GLIS1: variants seen among roughly 807,000 people sequenced by gnomAD.
GLIS1 encodes the protein GLIS family zinc finger 1.
Under a neutral mutation model 63.8 loss-of-function variants are expected in GLIS1, and 24 were observed. That is an observed-to-expected ratio of 0.38 (90% CI 0.27 to 0.53). The LOEUF (loss-of-function observed/expected upper bound fraction) is 0.53. Ranked by LOEUF, GLIS1 falls within the 20% of genes least tolerant of loss-of-function variation. The pLI, the probability that GLIS1 is intolerant of heterozygous loss-of-function variation, is 0.85. For synonymous variants in GLIS1, 450 were observed against 482.5 expected, an observed-to-expected ratio of 0.93 and a Z score of 0.88; for missense variants, 1,036 against 1,074.1, an observed-to-expected ratio of 0.96 and a Z score of 0.50.
rs922814692 is a variant in GLIS1, at chr1:53,679,210, G to A, written c.259+58596C>T. On this transcript the variant is annotated intron_variant, in intron 2 of 10. Coordinates refer to ENST00000628545, the MANE Select transcript of GLIS1 (RefSeq NM_001367484.1). ...GAAGGGGCCCACTACGAGGGGGAAC[G>A]GGCAGGAGAGAGGGAGGTGGCAGCC... Among the ~76,000 whole-genome samples the A allele has an allele frequency of 5.9e-5, 9 of 152,328 alleles. No homozygotes were observed. In the South Asian group the frequency reaches 6.2e-4, roughly 11 times the overall value.
At chr1:53,660,986 A>T (rs1646022155) in intron 2 of GLIS1, among the ~76,000 whole-genome samples, 1 of 152,172 alleles carries the variant, frequency 6.6e-6, no homozygotes, top group Non-Finnish European at 1.5e-5. Flanking sequence ...CCATGTTGGA[A>T]TCATCCACCA....
At chr1:53,716,043 G>A (rs971071785) in intron 2 of GLIS1, among the ~76,000 whole-genome samples, 4 of 152,162 alleles carry the variant, frequency 2.6e-5, no homozygotes, top group Admixed American at 6.5e-5. Context: ...CACAGTCTTC[G>A]AGGAAGAGGG....
intron 4 of GLIS1, among the ~76,000 whole-genome samples, chr1:53,590,372 G>A (rs1315681656): frequency 6.6e-6 from 1 of 152,122 alleles, no homozygotes; most frequent in East Asian, 1.9e-4. Flanking sequence ...CGTGCTCACA[G>A]CTTTGGTAAA....
At chr1:53,645,640 T>C (rs1383397673) in intron 2 of GLIS1, among the ~76,000 whole-genome samples, 1 of 152,206 alleles carries the variant, frequency 6.6e-6, no homozygotes, top group Admixed American at 6.5e-5. Flanking sequence ...CAGGCCAACA[T>C]GGGAAGAAGG....
chr1:53,736,982 A>G (rs1477534082), intron 2 of GLIS1, among the ~76,000 whole-genome samples: 6 of 17,100 alleles, frequency 3.5e-4, no homozygotes, highest in South Asian at 7.4e-3. Context: ...CCCCTAAGGG[A>G]AAAAAAAAGG....
At position 53,543,605 on chromosome 1, in the gene GLIS1, A is replaced by G. The variant is rs1019359537; in HGVS notation, c.1321-13653T>C. Among the ~76,000 whole-genome samples, 7 of 152,334 alleles carry G rather than the reference A, an allele frequency of 4.6e-5. No individual in the cohort carries two copies. The East Asian group carries it at 1.2e-3, about 25-fold the overall frequency. ...ACTAGCCCAAGGGGAAGAAATGACT[A>G]CAAACAAAGGACTAAATGTTTCCAT... On this transcript the variant is annotated intron_variant, in intron 4 of 10. Transcript: ENST00000628545.
intron 7 of GLIS1, among the ~76,000 whole-genome samples, chr1:53,515,663 C>G (rs923720653): frequency 1.2e-4 from 18 of 151,966 alleles, no homozygotes; most frequent in African/African-American, 4.3e-4. Context: ...GCTCCAGGGA[C>G]CCAACTAGGG....
chr1:53,694,548 G>A (rs561426635), intron 2 of GLIS1, among the ~76,000 whole-genome samples: 1 of 152,142 alleles, frequency 6.6e-6, no homozygotes, highest in East Asian at 1.9e-4. Flanking sequence ...CATGCAGAGG[G>A]GGCCCTGCTG....
At position 53,520,769 on chromosome 1, in the gene GLIS1, G is replaced by A; in HGVS notation, c.1594-3C>T. ...TCGGTGTCAGGGCCCGCATGCAGCT[G>A]GGGAGCAAGCAGAGGGAAAGGAGGT... On this transcript the variant is annotated splice_region_variant and splice_polypyrimidine_tract_variant and intron_variant, in intron 6 of 10. Coordinates refer to ENST00000628545, the MANE Select transcript of GLIS1 (RefSeq NM_001367484.1). 1 of 1,601,832 alleles carries A rather than the reference G, an allele frequency of 6.2e-7. No individual in the cohort carries two copies. Among genetic ancestry groups the A allele is most frequent in the Non-Finnish European group, 8.5e-7 (1 of 1,173,756 alleles).
chr1:53,619,262 C>T (rs1645516268), intron 2 of GLIS1, among the ~76,000 whole-genome samples: 1 of 152,262 alleles, frequency 6.6e-6, no homozygotes, highest in Admixed American at 6.5e-5. Context: ...GAGGCAGATA[C>T]TGCTGCTGCC....
chr1:53,730,350 CA>C (rs1646848262), intron 2 of GLIS1, among the ~76,000 whole-genome samples: 1 of 152,162 alleles, frequency 6.6e-6, no homozygotes, highest in Admixed American at 6.5e-5. Flanking sequence ...AACTCTTACA[CA>C]AACTTCTACT....
intron 4 of GLIS1, among the ~76,000 whole-genome samples, chr1:53,562,076 C>G (rs1644897953): frequency 6.6e-6 from 1 of 152,186 alleles, no homozygotes; most frequent in South Asian, 2.1e-4. Flanking sequence ...CAGAGACCAT[C>G]TTCACCAAAC....
intron 2 of GLIS1, among the ~76,000 whole-genome samples, chr1:53,626,117 G>A (rs759624874): frequency 1.3e-5 from 2 of 152,212 alleles, no homozygotes; most frequent in Non-Finnish European, 2.9e-5. Context: ...AATGGCAAAC[G>A]AGGGCAGGGC....
chr1:53,530,024 C>A (rs1054322445), intron 4 of GLIS1, 72 bp from the exon 5 acceptor site: 79 of 1,462,106 alleles, frequency 5.4e-5, no homozygotes, highest in Non-Finnish European at 7.2e-5. Context: ...ACTAACCCCC[C>A]AGGCCTGCCT....
rs1475518199 is a variant in GLIS1, at chr1:53,598,755, G to A, written c.437+1346C>T. ...ATTTGCTATGGCAGCCTAAACAAAC[G>A]AATACACACCCAAAATCAGAAGTTT... On this transcript the variant is annotated intron_variant, in intron 3 of 10. Coordinates refer to ENST00000628545, the MANE Select transcript of GLIS1 (RefSeq NM_001367484.1). This position sits in a 1 kb window ranked among gnomAD's most constrained non-coding sequence, Gnocchi z 4.6. 6.6e-6 allele frequency among the ~76,000 whole-genome samples: 1 copy of A among 152,178 alleles called. No individual in the cohort carries two copies. Among genetic ancestry groups the A allele is most frequent in the Non-Finnish European group, 1.5e-5 (1 of 68,020 alleles).
At chr1:53,535,498 A>T (rs2100349907) in intron 4 of GLIS1, among the ~76,000 whole-genome samples, 1 of 152,098 alleles carries the variant, frequency 6.6e-6, no homozygotes, top group Non-Finnish European at 1.5e-5. Context: ...GGGGCCTCTC[A>T]GTCCCTCATG....
chr1:53,648,088 C>T (rs1387901695), intron 2 of GLIS1, among the ~76,000 whole-genome samples: 1 of 151,964 alleles, frequency 6.6e-6, no homozygotes, highest in Admixed American at 6.6e-5. Flanking sequence ...ATGGGAGGAT[C>T]GCTTGAGCCT....
intron 2 of GLIS1, among the ~76,000 whole-genome samples, chr1:53,701,064 A>C (rs1443375030): frequency 6.6e-6 from 1 of 152,236 alleles, no homozygotes; most frequent in Non-Finnish European, 1.5e-5. Flanking sequence ...GCTATGATGA[A>C]TAATACTGCT....
chr1:53,731,487 C>T lies in GLIS1; in HGVS notation c.259+6319G>A, dbSNP rs567649714. Among the ~76,000 whole-genome samples the T allele has an allele frequency of 3.7e-3, 565 of 152,308 alleles. 6 individuals are homozygous for T. Among genetic ancestry groups the T allele is most frequent in the Non-Finnish European group, 1.0e-3 (70 of 68,018 alleles). ...GCCGCATCCTCTCCTTCCCAGCCGC[C>T]TGGGTTTAAGAAGCTGGTCCTGGAG... On this transcript the variant is annotated intron_variant, in intron 2 of 10. Transcript: ENST00000628545.
Sources: gnomAD v4.1 joint callset for allele counts (sites outside exome capture counted in the v4.1 genomes callset) on GRCh38, gnomAD v4.1.1 for gene constraint, Gnocchi (gnomAD v3.1) non-coding constraint, MANE v1.5 for transcripts, NCBI Gene and HGNC (gene_info 2026-07-23, HGNC 2026-07-21) for gene names.